Variants in SPECC1L observed in about 807,000 individuals in gnomAD.
The protein encoded by SPECC1L is cytospin-A.
Under a neutral mutation model 116.8 loss-of-function variants are expected in SPECC1L, and 40 were observed. The ratio of observed to expected loss-of-function variants is 0.34; its 90% CI spans 0.27 to 0.45. The LOEUF is 0.45. Ranked by LOEUF, SPECC1L falls within the 20% of genes least tolerant of loss-of-function variation. The probability of loss-of-function intolerance (pLI) is 1.00; values close to 1 mark genes in which losing one functional copy is unlikely to be tolerated. For missense variants in SPECC1L, 1,110 were observed against 1,373.6 expected, an observed-to-expected ratio of 0.81 and a Z score of 3.03; for synonymous variants, 504 against 500.6, an observed-to-expected ratio of 1.01 and a Z score of -0.09.
Position 24,324,417 on chromosome 22 carries a change from T to G in SPECC1L, c.2136T>G (p.Ser712=). 2 of 1,613,358 alleles carry G rather than the reference T, an allele frequency of 1.2e-6. No homozygotes were observed. The highest frequency in any genetic ancestry group is 1.7e-6 in the Non-Finnish European group (2 of 1,179,264). Reference sequence around the variant, plus strand: ...AACTTCATGACAACCTCATTATTTCTGATCTAGAGAGTAAGTGATAAGAAC... The same window carrying G: ...AACTTCATGACAACCTCATTATTTCGGATCTAGAGAGTAAGTGATAAGAAC... ...AVKLHDNLII[S]DLENTVKKLQ... The change falls in exon 6 of 17, where the codon TCT becomes TCG. Residue 712 remains serine (S), a synonymous_variant. Transcript: ENST00000314328.
chr22:24,372,403 A>G (rs1012774797), intron 14 of SPECC1L, among the ~76,000 whole-genome samples: 1 of 152,162 alleles, frequency 6.6e-6, no homozygotes, highest in East Asian at 1.9e-4. Context: ...GGCAAACGAA[A>G]TCCAGCTGCT....
chr22:24,381,108 GTATT>G (rs751408692), intron 14 of SPECC1L, among the ~76,000 whole-genome samples: 2 of 152,124 alleles, frequency 1.3e-5, no homozygotes, highest in Admixed American at 6.5e-5. Context: ...AATAGGGAAA[GTATT>G]TATACTTTCA....
chr22:24,396,695 A>T (rs73167602), intron 14 of SPECC1L, among the ~76,000 whole-genome samples: 10,047 of 152,192 alleles, frequency 0.066, 436 homozygotes, highest in Non-Finnish European at 0.092. Context: ...TCAACACTCC[A>T]GTTTGTGATT....
intron 2 of SPECC1L, among the ~76,000 whole-genome samples, chr22:24,289,586 AT>A (rs1414341348): frequency 1.3e-5 from 2 of 152,238 alleles, no homozygotes; most frequent in Non-Finnish European, 2.9e-5. Context: ...GCCTCATAGA[AT>A]AATAGAAATC....
intron 3 of SPECC1L, among the ~76,000 whole-genome samples, chr22:24,306,955 C>T (rs1408778033): frequency 6.6e-6 from 1 of 152,202 alleles, no homozygotes; most frequent in African/African-American, 2.4e-5. Flanking sequence ...CCTCAAGGTT[C>T]ATCCATGTTG....
chr22:24,417,099 C>T lies in SPECC1L; in HGVS notation c.*2476C>T, dbSNP rs941504165. The stretch of plus-strand genomic sequence containing the variant: ...ATCTGGCACGAAGTCTCCAAGAAGC[C>T]ACTTTGCCTCTTCTCCCTTCAAGCA... On this transcript the variant is annotated 3_prime_UTR_variant, in exon 17 of 17. Coordinates refer to ENST00000314328, the MANE Select transcript of SPECC1L (RefSeq NM_015330.6). The T allele has an allele frequency of 6.6e-6, 1 of 152,518 alleles. No homozygotes were observed. The highest frequency in any genetic ancestry group is 6.5e-5 in the Admixed American group (1 of 15,290). 9.4% of individuals were successfully genotyped at this position (152,518 alleles called of 1,614,324 possible).
chr22:24,365,390 T>A (rs1260101478), intron 12 of SPECC1L, 86 bp from the exon 13 acceptor site: 1 of 1,266,254 alleles, frequency 7.9e-7, no homozygotes, highest in Admixed American at 1.8e-5. Flanking sequence ...ATATCTGTTG[T>A]TTTTGGAATC....
rs2042807374 is a variant in SPECC1L, at chr22:24,416,728, TGGGGGGGTA to T, written c.*2110_*2118del. On this transcript the variant is annotated 3_prime_UTR_variant, in exon 17 of 17. Coordinates refer to ENST00000314328, the MANE Select transcript of SPECC1L (RefSeq NM_015330.6). ...AGCCCAGCCCTGGTGCCTCATGGGATGGGGGGGTAGGGGTCCCCAGGATCTTCTGGAGGA... is the reference window on the plus strand; with the variant it reads ...AGCCCAGCCCTGGTGCCTCATGGGATGGGGTCCCCAGGATCTTCTGGAGGA... 6.6e-6 allele frequency: 1 copy of T among 152,208 alleles called. No homozygotes were observed. The highest frequency in any genetic ancestry group is 6.5e-5 in the Admixed American group (1 of 15,270). The allele number at this position is 152,208 out of a possible 1,614,324, so 9.4% of individuals were successfully genotyped here.
chr22:24,367,883 A>G (rs1329869064), intron 13 of SPECC1L, among the ~76,000 whole-genome samples: 2 of 152,186 alleles, frequency 1.3e-5, no homozygotes, highest in African/African-American at 4.8e-5. Context: ...ACTTTGCTAT[A>G]ATCACTGAAA....
In SPECC1L at chr22:24,408,687, C is replaced by T. The variant is rs555069971; in HGVS notation, c.3088-2901C>T. ...ATATCTCTGGGTCATATCAGAGAAG[C>T]TGGAAGCAGCAGATGTTCAGGTTAA... On this transcript the variant is annotated intron_variant, in intron 14 of 16. Transcript: ENST00000314328. Among the ~76,000 whole-genome samples the T allele has an allele frequency of 3.8e-4, 58 of 152,360 alleles. 3 individuals are homozygous for T. In the South Asian group the frequency reaches 0.012, roughly 30 times the overall value.
intron 2 of SPECC1L, among the ~76,000 whole-genome samples, chr22:24,282,373 A>G (rs1211483151): frequency 2.6e-5 from 4 of 152,254 alleles, no homozygotes; most frequent in South Asian, 2.1e-4. Context: ...GTTTTAAACT[A>G]TAAACTATAA....
At chr22:24,406,738 C>T (rs138447459) in intron 14 of SPECC1L, among the ~76,000 whole-genome samples, 1 of 152,292 alleles carries the variant, frequency 6.6e-6, no homozygotes, top group African/African-American at 2.4e-5. Context: ...ATACTGATCC[C>T]GTCATAATAT....
chr22:24,400,936 A>G (rs527739073), intron 14 of SPECC1L, among the ~76,000 whole-genome samples: 49 of 152,244 alleles, frequency 3.2e-4, no homozygotes, highest in African/African-American at 1.1e-3. Flanking sequence ...GATCAAGTTC[A>G]TGTTTGTTTG....
chr22:24,410,343 T>C (rs2042671454), intron 14 of SPECC1L, among the ~76,000 whole-genome samples: 1 of 152,216 alleles, frequency 6.6e-6, no homozygotes, highest in Non-Finnish European at 1.5e-5. Context: ...GCAGAGGTTT[T>C]TGATGGACTG....
chr22:24,285,928 C>G (rs945954530), intron 2 of SPECC1L, among the ~76,000 whole-genome samples: 43 of 152,376 alleles, frequency 2.8e-4, no homozygotes, highest in African/African-American at 1.0e-3. Flanking sequence ...GCGTGAGCTA[C>G]CGCGCCTGGC....
chr22:24,291,964 A>C (rs1225098081), intron 2 of SPECC1L, among the ~76,000 whole-genome samples: 1 of 152,182 alleles, frequency 6.6e-6, no homozygotes. Flanking sequence ...TACATTTTGG[A>C]AACATTTGAG....
At chr22:24,323,217 G>A (rs1336624892) in intron 5 of SPECC1L, 19 of 621,944 alleles carry the variant, frequency 3.1e-5, no homozygotes, top group South Asian at 6.9e-5. Flanking sequence ...CCTATGGAGC[G>A]GGTCATGAAA....
intron 2 of SPECC1L, among the ~76,000 whole-genome samples, chr22:24,277,393 C>T (rs1342920131): frequency 6.6e-6 from 1 of 152,224 alleles, no homozygotes; most frequent in African/African-American, 2.4e-5. Context: ...AATTCACATA[C>T]CTTAAAATTC....
At chr22:24,349,301 C>G (rs1402939117) in intron 11 of SPECC1L, among the ~76,000 whole-genome samples, 1 of 152,202 alleles carries the variant, frequency 6.6e-6, no homozygotes, top group Non-Finnish European at 1.5e-5. Context: ...CTTGGCCTCC[C>G]AAAGTGCTGG....
Sources: gnomAD v4.1 joint callset for allele counts (sites outside exome capture counted in the v4.1 genomes callset) on GRCh38, gnomAD v4.1.1 for gene constraint, MANE v1.5 for transcripts, NCBI Gene and HGNC (gene_info 2026-07-23, HGNC 2026-07-21) for gene names.